CADPS2: variants seen among roughly 807,000 people sequenced by gnomAD.
The protein encoded by CADPS2 is calcium dependent secretion activator 2.
A neutral mutation model predicts 172.5 loss-of-function variants in CADPS2; 93 were observed. The observed-to-expected ratio is 0.54, with a 90% CI of 0.46 to 0.64. The LOEUF is 0.64. CADPS2 is among the 30% of genes least tolerant of loss of function. CADPS2 has a pLI of 0.00. For synonymous variants in CADPS2, 546 were observed against 555.2 expected (o/e 0.98, Z 0.23); for missense variants, 1,420 against 1,565.9 (o/e 0.91, Z 1.57).
chr7:122,506,782 A>G (rs1300282243), intron 9 of CADPS2, among the ~76,000 whole-genome samples: 1 of 152,084 alleles, frequency 6.6e-6, no homozygotes, highest in African/African-American at 2.4e-5. Context: ...ATCATGAAAA[A>G]TGAATAAATC....
chr7:122,420,434 G>A (rs779181341), intron 17 of CADPS2, among the ~76,000 whole-genome samples: 1 of 152,162 alleles, frequency 6.6e-6, no homozygotes, highest in Admixed American at 6.6e-5. Context: ...GAACATAATA[G>A]CCACTCTAAT....
intron 27 of CADPS2, among the ~76,000 whole-genome samples, chr7:122,353,868 C>T (rs1032778878): frequency 6.6e-6 from 1 of 152,096 alleles, no homozygotes; most frequent in East Asian, 1.9e-4. Flanking sequence ...AGTCATTGTT[C>T]CTAGTCCTAT....
intron 27 of CADPS2, among the ~76,000 whole-genome samples, chr7:122,348,071 C>G (rs548314728): frequency 8.5e-5 from 13 of 152,142 alleles, no homozygotes; most frequent in Admixed American, 1.3e-4. Context: ...AGTTGAAGAA[C>G]AGACAAATGG....
At position 122,490,018 on chromosome 7, in the gene CADPS2, C is replaced by G. The variant is rs115963330; in HGVS notation, c.1852+63G>C. 2.1e-3 allele frequency: 3,038 copies of G among 1,422,650 alleles called. 69 individuals carry two copies. The African/African-American group carries it at 0.038, about 18-fold the overall frequency. 88.1% of individuals were successfully genotyped at this position (1,422,650 alleles called of 1,614,324 possible). A position where few individuals can be genotyped will look rare whatever the true frequency, so the allele number is the denominator to read the frequency against. On this transcript the variant is annotated intron_variant, in intron 11 of 29. Coordinates refer to ENST00000449022, the MANE Select transcript of CADPS2 (RefSeq NM_017954.11). Reference sequence around the variant, plus strand: ...AAACTATAATACTGAATACATTTGCCTCAATTTTATATCTTATTAAGGCTA... The same window carrying G: ...AAACTATAATACTGAATACATTTGCGTCAATTTTATATCTTATTAAGGCTA...
chr7:122,757,606 T>C (rs1219111171), intron 1 of CADPS2, among the ~76,000 whole-genome samples: 1 of 152,058 alleles, frequency 6.6e-6, no homozygotes, highest in East Asian at 1.9e-4. Context: ...GACACCCATG[T>C]CCTAAAAAAT....
chr7:122,661,922 A>C (rs1398249721), intron 3 of CADPS2, among the ~76,000 whole-genome samples: 2 of 152,226 alleles, frequency 1.3e-5, no homozygotes, highest in Non-Finnish European at 2.9e-5. Context: ...TTCAAATAGA[A>C]GATTTTGGTT....
intron 8 of CADPS2, among the ~76,000 whole-genome samples, chr7:122,519,524 A>C (rs2060620367): frequency 6.6e-6 from 1 of 152,112 alleles, no homozygotes; most frequent in East Asian, 1.9e-4. Context: ...TCTATCAGTC[A>C]GTATAAACAT....
intron 25 of CADPS2, among the ~76,000 whole-genome samples, chr7:122,377,656 C>T (rs1335254326): frequency 6.6e-6 from 1 of 152,052 alleles, no homozygotes; most frequent in Non-Finnish European, 1.5e-5. Context: ...AGCTGCTGTG[C>T]TGGGCTCCTC....
chr7:122,833,099 T>C (rs1807104658), intron 1 of CADPS2, among the ~76,000 whole-genome samples: 1 of 152,192 alleles, frequency 6.6e-6, no homozygotes, highest in African/African-American at 2.4e-5. Flanking sequence ...ATCTTCATAT[T>C]TCCTTCCAGC....
In CADPS2 at chr7:122,631,132, G is replaced by T. The variant is rs950811435; in HGVS notation, c.787-1804C>A. 2.6e-5 allele frequency among the ~76,000 whole-genome samples: 4 copies of T among 152,180 alleles called. No individual in the cohort carries two copies. In the South Asian group the frequency reaches 8.3e-4, roughly 32 times the overall value. On this transcript the variant is annotated intron_variant, in intron 3 of 29. Transcript: ENST00000449022. ...ACTAAACCATAAGAACACTGAAACTGTAACAATACTTCAAATGCACTAAAT... is the reference window on the plus strand; with the variant it reads ...ACTAAACCATAAGAACACTGAAACTTTAACAATACTTCAAATGCACTAAAT...
rs376850591 is a variant in CADPS2, at chr7:122,859,946, T to C, written c.339+26053A>G. 5.3e-5 allele frequency among the ~76,000 whole-genome samples: 8 copies of C among 152,188 alleles called. No homozygotes were observed. The East Asian group carries it at 7.7e-4, about 15-fold the overall frequency. On this transcript the variant is annotated intron_variant, in intron 1 of 29. Coordinates refer to ENST00000449022, the MANE Select transcript of CADPS2 (RefSeq NM_017954.11). ...TTCTCCAGAGCAAACTTCATACCTC[T>C]GTATATCTCCAGTAAAGTTGAAATG...
At chr7:122,646,003 T>C (rs964621537) in intron 3 of CADPS2, among the ~76,000 whole-genome samples, 2 of 151,836 alleles carry the variant, frequency 1.3e-5, no homozygotes, top group Non-Finnish European at 2.9e-5. Context: ...ACATTAATAG[T>C]GAATAATGCT....
intron 7 of CADPS2, among the ~76,000 whole-genome samples, chr7:122,575,600 A>T (rs942017487): frequency 1.3e-5 from 2 of 151,644 alleles, no homozygotes; most frequent in African/African-American, 4.8e-5. Context: ...CCACACCCAG[A>T]TAATTTTTGT....
At chr7:122,474,131 T>A (rs568015582) in intron 13 of CADPS2, among the ~76,000 whole-genome samples, 47 of 152,282 alleles carry the variant, frequency 3.1e-4, no homozygotes, top group Non-Finnish European at 5.4e-4. Context: ...CAGTTTAGCA[T>A]CTATTTGAGT....
intron 16 of CADPS2, chr7:122,439,438 T>C (rs2051067871): frequency 2.0e-5 from 3 of 152,158 alleles, no homozygotes; most frequent in Non-Finnish European, 4.4e-5. Flanking sequence ...TTCTATGTCT[T>C]ATATTGAAAG....
chr7:122,530,891 G>T (rs941731773), intron 8 of CADPS2, among the ~76,000 whole-genome samples: 1 of 152,100 alleles, frequency 6.6e-6, no homozygotes, highest in African/African-American at 2.4e-5. Flanking sequence ...CTTGTATTCT[G>T]GGGAGAGGGA....
chr7:122,845,392 T>C (rs1005626272), intron 1 of CADPS2, among the ~76,000 whole-genome samples: 1 of 152,164 alleles, frequency 6.6e-6, no homozygotes, highest in African/African-American at 2.4e-5. Flanking sequence ...ACCACAAGCG[T>C]GGCACTGCCA....
In CADPS2 at chr7:122,589,889, T is replaced by C. The variant is rs1352850002; in HGVS notation, c.1224-8599A>G. 3.3e-5 allele frequency among the ~76,000 whole-genome samples: 5 copies of C among 152,034 alleles called. No homozygotes were observed. The Middle Eastern group carries it at 0.014, about 414-fold the overall frequency. The stretch of plus-strand genomic sequence containing the variant: ...GTACTTAAACGTATATTTTAAAGGT[T>C]TGCAATCATTTATTGAGGTATAGTT... On this transcript the variant is annotated intron_variant, in intron 6 of 29. Coordinates refer to ENST00000449022, the MANE Select transcript of CADPS2 (RefSeq NM_017954.11).
At chr7:122,565,036 A>G (rs1020266335) in intron 7 of CADPS2, among the ~76,000 whole-genome samples, 2 of 152,058 alleles carry the variant, frequency 1.3e-5, no homozygotes, top group African/African-American at 4.8e-5. Flanking sequence ...ACATAGATAT[A>G]TGGAGAGGAA....
Sources: gnomAD v4.1 joint callset for allele counts (sites outside exome capture counted in the v4.1 genomes callset) on GRCh38, gnomAD v4.1.1 for gene constraint, MANE v1.5 for transcripts, NCBI Gene and HGNC (gene_info 2026-07-23, HGNC 2026-07-21) for gene names.